MMS22L: variants seen among roughly 807,000 people sequenced by gnomAD.
The protein encoded by MMS22L is MMS22 like, DNA repair protein.
Under a neutral mutation model 159.1 loss-of-function variants are expected in MMS22L, and 74 were observed. That is an observed-to-expected ratio of 0.47 (90% confidence interval 0.39 to 0.56). The LOEUF (loss-of-function observed/expected upper bound fraction) is 0.56. Among genes scored for constraint, MMS22L ranks in the 20% least tolerant of loss-of-function variants. MMS22L has a pLI of 0.00. For missense variants in MMS22L, 1,351 were observed against 1,422.1 expected (o/e 0.95, Z 0.80); for synonymous variants, 517 against 506.9 (o/e 1.02, Z -0.27).
At chr6:97,202,095 G>A (rs1191024758) in intron 14 of MMS22L, among the ~76,000 whole-genome samples, 1 of 152,108 alleles carries the variant, frequency 6.6e-6, no homozygotes, top group Non-Finnish European at 1.5e-5. Context: ...ACATACCTTT[G>A]TCTTTTACTT....
rs1582715704 is a variant in MMS22L, at chr6:97,231,483, A to G, written c.1472T>C (p.Val491Ala). 3.1e-6 allele frequency: 5 copies of G among 1,613,792 alleles called. No individual in the cohort carries two copies. The South Asian group carries it at 5.5e-5, about 18-fold the overall frequency. Reference sequence around the variant, plus strand: ...ATTGCTCTTCATTGCTTTTTTAACAACTTTTGCCAGAATACAAAGAAAAAT... The same window carrying G: ...ATTGCTCTTCATTGCTTTTTTAACAGCTTTTGCCAGAATACAAAGAAAAAT... ...YTIFLCILAKVVKKAMKSNGP... is the reference protein window; with the variant it reads ...YTIFLCILAKAVKKAMKSNGP... Residue 491 changes from valine to alanine, a missense_variant, in exon 13 of 25, where the codon GTT becomes GCT. Val to Ala is a moderately conservative substitution (Grantham distance 64). Coordinates refer to ENST00000683635, the MANE Select transcript of MMS22L (RefSeq NM_001350599.2).
At chr6:97,213,466 C>A (rs757591246) in intron 14 of MMS22L, among the ~76,000 whole-genome samples, 3 of 151,988 alleles carry the variant, frequency 2.0e-5, no homozygotes, top group Non-Finnish European at 4.4e-5. Flanking sequence ...TGTCCCCCCA[C>A]CCTTCAAAAT....
In MMS22L at chr6:97,243,273, T is replaced by A. The variant is rs182241947; in HGVS notation, c.1182+3355A>T. On this transcript the variant is annotated intron_variant, in intron 11 of 24. Transcript: ENST00000683635. The stretch of plus-strand genomic sequence containing the variant: ...TTCTTGGAGGTTTTGTTCATTTTTT[T>A]AAAAAATTCTTTTTTCTTTGTCTTT... Among the ~76,000 whole-genome samples, 175 of 152,232 alleles carry A rather than the reference T, an allele frequency of 1.1e-3. 2 individuals carry two copies. The highest frequency in any genetic ancestry group is 2.2e-3 in the African/African-American group (92 of 41,574).
At chr6:97,218,760 G>A (rs1582662282) in intron 14 of MMS22L, among the ~76,000 whole-genome samples, 1 of 152,132 alleles carries the variant, frequency 6.6e-6, no homozygotes, top group South Asian at 2.1e-4. Context: ...ACCCTAGACT[G>A]GGTAATTTAT....
At chr6:97,215,568 G>C (rs1808920419) in intron 14 of MMS22L, among the ~76,000 whole-genome samples, 3 of 152,082 alleles carry the variant, frequency 2.0e-5, no homozygotes, top group African/African-American at 7.2e-5. Flanking sequence ...TGTGGCCCAT[G>C]TGCTAGGCAA....
In MMS22L at chr6:97,146,515, A is replaced by G. The variant is rs1215798048; in HGVS notation, c.*291T>C. Reference sequence around the variant, plus strand: ...TCTATGGATGAAGTATCTGCTTAATACTCACACACAGAAAACACTCTCAGA... The same window carrying G: ...TCTATGGATGAAGTATCTGCTTAATGCTCACACACAGAAAACACTCTCAGA... On this transcript the variant is annotated 3_prime_UTR_variant, in exon 25 of 25. Coordinates refer to ENST00000683635, the MANE Select transcript of MMS22L (RefSeq NM_001350599.2). The G allele has an allele frequency of 4.9e-6, 1 of 203,664 alleles. No individual in the cohort carries two copies. The highest frequency in any genetic ancestry group is 1.3e-4 in the East Asian group (1 of 7,762). The allele number at this position is 203,664 out of a possible 1,614,324, so 12.6% of individuals were successfully genotyped here. A position where few individuals can be genotyped will look rare whatever the true frequency, so the allele number is the denominator to read the frequency against.
intron 18 of MMS22L, among the ~76,000 whole-genome samples, chr6:97,177,324 C>T (rs896767360): frequency 6.6e-6 from 1 of 152,100 alleles, no homozygotes; most frequent in Non-Finnish European, 1.5e-5. Context: ...TGGCACTTAG[C>T]ATATAATGCC....
intron 16 of MMS22L, 49 bp downstream of exon 16, chr6:97,181,855 T>G: frequency 1.3e-6 from 2 of 1,563,952 alleles, no homozygotes; most frequent in South Asian, 2.4e-5. Flanking sequence ...AGGATACTGA[T>G]CTGTCACAGG....
intron 9 of MMS22L, chr6:97,259,330 T>C (rs1344725053): frequency 6.6e-6 from 1 of 152,230 alleles, no homozygotes; most frequent in African/African-American, 2.4e-5. Context: ...TTTGGTTAAA[T>C]ATTATTCTGA....
At chr6:97,212,320 T>A (rs915373720) in intron 14 of MMS22L, among the ~76,000 whole-genome samples, 5 of 152,074 alleles carry the variant, frequency 3.3e-5, no homozygotes, top group African/African-American at 4.8e-5. Flanking sequence ...TCCAAAGACA[T>A]AAGAAAAATA....
intron 14 of MMS22L, among the ~76,000 whole-genome samples, chr6:97,200,646 A>G (rs1287963474): frequency 6.6e-6 from 1 of 152,140 alleles, no homozygotes; most frequent in Non-Finnish European, 1.5e-5. Flanking sequence ...TGCTGGGATA[A>G]GAAATGTTAA....
chr6:97,148,427 G>A (rs901075879), intron 24 of MMS22L, among the ~76,000 whole-genome samples: 2 of 152,072 alleles, frequency 1.3e-5, no homozygotes, highest in African/African-American at 4.8e-5. Flanking sequence ...TGCAGGAGAC[G>A]ACAGCTCCAT....
chr6:97,222,293 A>C (rs1226803569), intron 14 of MMS22L, among the ~76,000 whole-genome samples: 2 of 152,056 alleles, frequency 1.3e-5, no homozygotes, highest in African/African-American at 4.8e-5. Flanking sequence ...TTCTAGCCTT[A>C]TAGGGAGAGA....
intron 3 of MMS22L, among the ~76,000 whole-genome samples, chr6:97,280,212 T>C (rs1430750777): frequency 2.6e-5 from 4 of 152,234 alleles, no homozygotes; most frequent in Non-Finnish European, 4.4e-5. Flanking sequence ...GTATCACATA[T>C]AGATTTTTAC....
chr6:97,173,686 A>T (rs114078616), intron 18 of MMS22L, among the ~76,000 whole-genome samples: 1 of 152,124 alleles, frequency 6.6e-6, no homozygotes, highest in South Asian at 2.1e-4. Flanking sequence ...CAGCTTTATT[A>T]TATGAATTCA....
At chr6:97,208,072 C>T (rs1582618139) in intron 14 of MMS22L, among the ~76,000 whole-genome samples, 1 of 152,198 alleles carries the variant, frequency 6.6e-6, no homozygotes, top group East Asian at 1.9e-4. Context: ...TTCCTAATTA[C>T]TGAAAATGTT....
chr6:97,254,184 G>C (rs1028480135), intron 10 of MMS22L: 1 of 158,026 alleles, frequency 6.3e-6, no homozygotes, highest in Non-Finnish European at 1.4e-5. Context: ...TTCATTCCTC[G>C]AGAAATTTCT....
At chr6:97,274,915 C>T (rs1272635706) in intron 4 of MMS22L, among the ~76,000 whole-genome samples, 1 of 152,164 alleles carries the variant, frequency 6.6e-6, no homozygotes, top group Non-Finnish European at 1.5e-5. Flanking sequence ...TCATAATAGA[C>T]TACGCACGAG....
intron 14 of MMS22L, among the ~76,000 whole-genome samples, chr6:97,190,345 C>A (rs988358517): frequency 2.6e-5 from 4 of 152,010 alleles, no homozygotes; most frequent in African/African-American, 7.3e-5. Context: ...TGGTCAGAAA[C>A]TGAAAGACAT....
Sources: gnomAD v4.1 joint callset for allele counts (sites outside exome capture counted in the v4.1 genomes callset) on GRCh38, gnomAD v4.1.1 for gene constraint, MANE v1.5 for transcripts, NCBI Gene and HGNC (gene_info 2026-07-23, HGNC 2026-07-21) for gene names.